The following THSD7A variants were observed in gnomAD, a reference collection of about 807,000 sequenced individuals.
THSD7A encodes thrombospondin type-1 domain-containing protein 7A.
Under a neutral mutation model 231.3 loss-of-function variants are expected in THSD7A, and 96 were observed. The ratio of observed to expected loss-of-function variants is 0.41; its 90% confidence interval spans 0.35 to 0.49. THSD7A has a LOEUF of 0.49. THSD7A is among the 20% of genes least tolerant of loss of function. The pLI is 0.05. For missense variants in THSD7A, 2,290 were observed against 2,070.2 expected (o/e 1.11, Z -2.06); for synonymous variants, 940 against 743.3 (o/e 1.26, Z -4.30).
At chr7:11,657,687 G>A (rs775137818) in intron 1 of THSD7A, among the ~76,000 whole-genome samples, 1 of 151,672 alleles carries the variant, frequency 6.6e-6, no homozygotes, top group African/African-American at 2.4e-5. Context: ...ATTTCTCTAC[G>A]AGTTTAAACC....
intron 6 of THSD7A, among the ~76,000 whole-genome samples, chr7:11,495,162 T>C (rs1787048789): frequency 6.6e-6 from 1 of 152,202 alleles, no homozygotes; most frequent in Non-Finnish European, 1.5e-5. Flanking sequence ...ACTAGAAAAG[T>C]TTAAAAAGTC....
intron 22 of THSD7A, among the ~76,000 whole-genome samples, chr7:11,403,358 G>A (rs1783473889): frequency 6.6e-6 from 1 of 152,060 alleles, no homozygotes; most frequent in East Asian, 1.9e-4. Context: ...ATTTTTGTAG[G>A]CCTTTATTAA....
chr7:11,496,973 G>A (rs1787128694), intron 6 of THSD7A, among the ~76,000 whole-genome samples: 1 of 152,134 alleles, frequency 6.6e-6, no homozygotes, highest in Non-Finnish European at 1.5e-5. Flanking sequence ...CAATGTATTA[G>A]TCCATTGTCA....
intron 2 of THSD7A, among the ~76,000 whole-genome samples, chr7:11,623,628 T>G (rs1781386909): frequency 6.6e-6 from 1 of 152,036 alleles, no homozygotes; most frequent in African/African-American, 2.4e-5. Flanking sequence ...TGGGGGTGAG[T>G]AGAGCGAAGT....
At chr7:11,697,724 T>A (rs1290728905) in intron 1 of THSD7A, among the ~76,000 whole-genome samples, 3 of 151,338 alleles carry the variant, frequency 2.0e-5, no homozygotes, top group African/African-American at 7.3e-5. Context: ...AAGCAAGTGT[T>A]ATTATTAACC....
intron 1 of THSD7A, among the ~76,000 whole-genome samples, chr7:11,824,747 T>A (rs1277545380): frequency 2.6e-5 from 4 of 152,138 alleles, no homozygotes; most frequent in Non-Finnish European, 5.9e-5. Context: ...ACTGCAGTGG[T>A]TTTTAAAATG....
intron 1 of THSD7A, among the ~76,000 whole-genome samples, chr7:11,732,452 A>G (rs1781768743): frequency 6.6e-6 from 1 of 151,896 alleles, no homozygotes; most frequent in East Asian, 1.9e-4. Flanking sequence ...TCATAGGCTT[A>G]ACCCCAAAGG....
At chr7:11,385,456 T>C (rs951964494) in intron 23 of THSD7A, 11 of 152,204 alleles carry the variant, frequency 7.2e-5, no homozygotes, top group Middle Eastern at 3.4e-3. Flanking sequence ...GATTCTCTTC[T>C]AGTTCAAGTT....
chr7:11,750,411 C>G (rs940857665), intron 1 of THSD7A, among the ~76,000 whole-genome samples: 7 of 151,596 alleles, frequency 4.6e-5, no homozygotes, highest in African/African-American at 1.7e-4. Context: ...AGAATTCGTT[C>G]GAAAAAAGGA....
chr7:11,498,069 T>C (rs1172405294), intron 6 of THSD7A, among the ~76,000 whole-genome samples: 1 of 152,138 alleles, frequency 6.6e-6, no homozygotes, highest in South Asian at 2.1e-4. Flanking sequence ...CTTAGATACT[T>C]GGGCCTTCTG....
intron 23 of THSD7A, among the ~76,000 whole-genome samples, chr7:11,390,165 G>T (rs1394870951): frequency 6.6e-6 from 1 of 152,154 alleles, no homozygotes; most frequent in South Asian, 2.1e-4. Flanking sequence ...GGCCTGTCTT[G>T]CTAGGTTGGG....
chr7:11,538,620 G>C (rs964876728), intron 6 of THSD7A, among the ~76,000 whole-genome samples: 5 of 152,274 alleles, frequency 3.3e-5, no homozygotes, highest in East Asian at 1.9e-4. Context: ...TGTGTTCAGA[G>C]ACCTGGAATT....
chr7:11,767,413 T>A (rs889494659), intron 1 of THSD7A, among the ~76,000 whole-genome samples: 2 of 152,174 alleles, frequency 1.3e-5, no homozygotes, highest in African/African-American at 4.8e-5. Context: ...ATACCAAGCA[T>A]GTGTCTGCAC....
chr7:11,716,653 C>T (rs948704164), intron 1 of THSD7A, among the ~76,000 whole-genome samples: 1 of 151,436 alleles, frequency 6.6e-6, no homozygotes, highest in Non-Finnish European at 1.5e-5. Flanking sequence ...TCTTTATATG[C>T]CTCATGTTAT....
At chr7:11,514,995 T>A (rs930203908) in intron 6 of THSD7A, among the ~76,000 whole-genome samples, 4 of 152,186 alleles carry the variant, frequency 2.6e-5, no homozygotes, top group Non-Finnish European at 4.4e-5. Flanking sequence ...TGTTTCAAAT[T>A]TATACTCATT....
intron 23 of THSD7A, chr7:11,385,648 CAT>C (rs1782710230): frequency 1.3e-5 from 2 of 151,966 alleles, no homozygotes; most frequent in East Asian, 1.9e-4. Context: ...CAATTATAGT[CAT>C]ATTATTAAAT....
intron 13 of THSD7A, among the ~76,000 whole-genome samples, chr7:11,435,997 A>ACTT (rs1000195703): frequency 3.3e-5 from 5 of 152,076 alleles, no homozygotes; most frequent in African/African-American, 1.2e-4. Flanking sequence ...AAGAAAATAA[A>ACTT]CTTATATATG....
intron 1 of THSD7A, chr7:11,821,087 T>G (rs1784859992): frequency 1.0e-6 from 1 of 1,002,090 alleles, no homozygotes; most frequent in Non-Finnish European, 1.6e-6. Flanking sequence ...GGGAAATGTC[T>G]ATTGTCCTGT....
chr7:11,631,495 T>C, intron 2 of THSD7A, among the ~76,000 whole-genome samples: 1 of 152,184 alleles, frequency 6.6e-6, no homozygotes, highest in East Asian at 1.9e-4. Context: ...TCTGCAATTC[T>C]GGAATTTGGC....
Sources: allele counts gnomAD v4.1 joint callset (sites outside exome capture counted in the v4.1 genomes callset), GRCh38; gene constraint gnomAD v4.1.1; transcripts MANE v1.5; gene names NCBI Gene and HGNC (gene_info 2026-07-23, HGNC 2026-07-21).